Variants in MYL3 observed in about 807,000 individuals in gnomAD.
The protein encoded by MYL3 is myosin light chain 3.
MYL3 carries 11 observed loss-of-function variants against 21.3 expected under a neutral mutation model. The ratio of observed to expected loss-of-function variants is 0.52; its 90% confidence interval spans 0.32 to 0.85. The LOEUF is 0.85. Ranked by LOEUF, MYL3 falls within the 40% of genes least tolerant of loss-of-function variation. The pLI, the probability that MYL3 is intolerant of heterozygous loss-of-function variation, is 0.03. For synonymous variants in MYL3, 88 were observed against 91.6 expected (o/e 0.96, Z 0.22); for missense variants, 206 against 253.3 (o/e 0.81, Z 1.27).
chr3:46,868,375 C>T (rs1702069656), upstream of MYL3, among the ~76,000 whole-genome samples: 1 of 152,208 alleles, frequency 6.6e-6, no homozygotes, highest in African/African-American at 2.4e-5. Context: ...CACACACAGA[C>T]AACTCTGTCC....
At chr3:46,865,196 T>A (rs1702036525), upstream of MYL3, among the ~76,000 whole-genome samples, 1 of 152,004 alleles carries the variant, frequency 6.6e-6, no homozygotes, top group Admixed American at 6.5e-5. The surrounding 1 kb of genome is among the most constrained non-coding windows in gnomAD (Gnocchi z 4.3). Context: ...GCCAGCCCGC[T>A]CCTGACTGGA....
chr3:46,869,839 C>A lies in MYL3; in HGVS notation c.-217-3239G>T, dbSNP rs189062436. Among the ~76,000 whole-genome samples the A allele has an allele frequency of 2.6e-5, 4 of 152,196 alleles. No homozygotes were observed. In the East Asian group the frequency reaches 7.7e-4, roughly 29 times the overall value. The stretch of plus-strand genomic sequence containing the variant: ...GTAAATTTAGCAGGAGAAAAAAAAA[C>A]CCGTCAGTCAGACGAGGAGTCTGAA... On this transcript the variant is annotated intron_variant, in intron 1 of 3. Transcript: ENST00000431168.
At position 46,874,815 on chromosome 3, in the gene MYL3, C is replaced by T. The variant is rs778321596; in HGVS notation, c.-218+7259G>A. 2.0e-5 allele frequency among the ~76,000 whole-genome samples: 3 copies of T among 152,146 alleles called. No individual in the cohort carries two copies. Among genetic ancestry groups the T allele is most frequent in the Non-Finnish European group, 2.9e-5 (2 of 68,028 alleles). On this transcript the variant is annotated intron_variant, in intron 1 of 3. Transcript: ENST00000431168. The surrounding 1 kb of genome is among the most constrained non-coding windows in gnomAD (Gnocchi z 4.1). ...GGGAAATCACACTCTACCCAGAAGG[C>T]GTCTGGGAAACAGGACCCGCTTTGG...
At chr3:46,877,199 C>A (rs934138856) in intron 1 of MYL3, among the ~76,000 whole-genome samples, 5 of 152,040 alleles carry the variant, frequency 3.3e-5, no homozygotes, top group Admixed American at 1.3e-4. Flanking sequence ...GGAATGACGG[C>A]CCCCTCCATC....
intron 1 of MYL3, among the ~76,000 whole-genome samples, chr3:46,877,131 C>T (rs1469676399): frequency 6.6e-6 from 1 of 152,050 alleles, no homozygotes; most frequent in South Asian, 2.1e-4. Context: ...TTCCAGTGGG[C>T]AAGGAGTCAG....
chr3:46,866,585 T>C (rs1702049634), upstream of MYL3: 1 of 152,260 alleles, frequency 6.6e-6, no homozygotes, highest in Admixed American at 6.5e-5. Flanking sequence ...CTTCCACAGC[T>C]ACATTTTCCC....
rs769868122 is a variant in MYL3, at chr3:46,874,454, G to T, written c.-218+7620C>A. On this transcript the variant is annotated intron_variant, in intron 1 of 3. Coordinates refer to the MYL3 transcript ENST00000431168. The surrounding 1 kb of genome is among the most constrained non-coding windows in gnomAD (Gnocchi z 4.1). ...CAGGACTAGGGGTTCTCCACTCGAG[G>T]GCTCCCGGCCACAGCCCCCGGCAAG... Among the ~76,000 whole-genome samples, 3 of 152,080 alleles carry T rather than the reference G, an allele frequency of 2.0e-5. No homozygotes were observed. Among genetic ancestry groups the T allele is most frequent in the Admixed American group, 6.6e-5 (1 of 15,266 alleles).
chr3:46,860,655 G>C lies in MYL3; in HGVS notation c.307+21C>G. 2 of 1,611,978 alleles carry C rather than the reference G, an allele frequency of 1.2e-6. No homozygotes were observed. The highest frequency in any genetic ancestry group is 1.7e-6 in the Non-Finnish European group (2 of 1,179,998). ...TCTCCCCGGTACTAACACTATGGGG[G>C]CTCTCGGGCAGGTGCACTACCTTCC... is the stretch of plus-strand genomic sequence containing the variant. On this transcript the variant is annotated intron_variant, in intron 3 of 6. Coordinates refer to ENST00000292327, the MANE Select transcript of MYL3 (RefSeq NM_000258.3). The surrounding 1 kb of genome is among the most constrained non-coding windows in gnomAD (Gnocchi z 4.6).
upstream of MYL3, among the ~76,000 whole-genome samples, chr3:46,867,336 A>G (rs1702055974): frequency 6.6e-6 from 1 of 152,190 alleles, no homozygotes; most frequent in African/African-American, 2.4e-5. Context: ...ACAAGGGCTG[A>G]CGGATTTCCA....
rs1434322169 is a variant in MYL3, at chr3:46,879,765, C to T, written c.-218+2309G>A. Among the ~76,000 whole-genome samples the T allele has an allele frequency of 6.7e-6, 1 of 149,892 alleles. No individual in the cohort carries two copies. The highest frequency in any genetic ancestry group is 6.6e-5 in the Admixed American group (1 of 15,098). On this transcript the variant is annotated intron_variant, in intron 1 of 3. Coordinates refer to the MYL3 transcript ENST00000431168. The surrounding 1 kb of genome is among the most constrained non-coding windows in gnomAD (Gnocchi z 4.7). ...CTGTCTGGGGAAAAAAAAAATGCTGCGTGTGGTGGCTCACGCTTGTAATCT... is the reference window on the plus strand; with the variant it reads ...CTGTCTGGGGAAAAAAAAAATGCTGTGTGTGGTGGCTCACGCTTGTAATCT...
chr3:46,865,662 G>A (rs1702042022), upstream of MYL3, among the ~76,000 whole-genome samples: 1 of 152,222 alleles, frequency 6.6e-6, no homozygotes, highest in African/African-American at 2.4e-5. This position sits in a 1 kb window ranked among gnomAD's most constrained non-coding sequence, Gnocchi z 4.3. Flanking sequence ...GTAAGCCAGT[G>A]ACAAGAGCAT....
chr3:46,868,191 G>C (rs970094373), upstream of MYL3, among the ~76,000 whole-genome samples: 6 of 152,176 alleles, frequency 3.9e-5, no homozygotes, highest in Non-Finnish European at 8.8e-5. Flanking sequence ...ATGGAAAAGA[G>C]TACCCAAGGG....
chr3:46,858,511 G>C, intron 4 of MYL3, 50 bp from the exon 5 acceptor site: 1 of 1,580,454 alleles, frequency 6.3e-7, no homozygotes, highest in South Asian at 1.1e-5. Context: ...GAGGCATGAT[G>C]GGGTGGGGGC....
At chr3:46,880,738 A>C (rs1314147844) in intron 1 of MYL3, among the ~76,000 whole-genome samples, 1 of 149,136 alleles carries the variant, frequency 6.7e-6, no homozygotes, top group Non-Finnish European at 1.5e-5. Flanking sequence ...AAGAAGAAGA[A>C]GAAGGAGAAG....
At position 46,873,855 on chromosome 3, in the gene MYL3, G is replaced by T. The variant is rs534037424; in HGVS notation, c.-217-7255C>A. Among the ~76,000 whole-genome samples the T allele has an allele frequency of 2.0e-5, 3 of 152,340 alleles. No individual in the cohort carries two copies. The South Asian group carries it at 6.2e-4, about 32-fold the overall frequency. The stretch of plus-strand genomic sequence containing the variant: ...AGAGCAGAGGTCAGGGCAGGCAGGA[G>T]CTGGGTGTGTGACTTTGGGCAGAGG... On this transcript the variant is annotated intron_variant, in intron 1 of 3. Coordinates refer to the MYL3 transcript ENST00000431168.
At chr3:46,862,102 G>A (rs548319474) in intron 1 of MYL3, among the ~76,000 whole-genome samples, 2 of 152,322 alleles carry the variant, frequency 1.3e-5, no homozygotes, top group African/African-American at 4.8e-5. Flanking sequence ...GAGGGCGCAT[G>A]AGGGGTCTCA....
Position 46,863,341 on chromosome 3 carries a change from G to C in MYL3, c.50C>G (p.Pro17Arg), listed in dbSNP as rs1244476739. The C allele has an allele frequency of 1.2e-6, 2 of 1,613,788 alleles. No homozygotes were observed. The highest frequency in any genetic ancestry group is 1.7e-6 in the Non-Finnish European group (2 of 1,180,022). Residue 17 changes from proline (P) to arginine (R), a missense_variant, in exon 1 of 7, where the codon CCC (proline) becomes CGC (arginine). Coordinates refer to ENST00000292327, the MANE Select transcript of MYL3 (RefSeq NM_000258.3). Reference protein sequence around the residue: ...EPKKDDAKAAPKAAPAPAPPP... With the variant: ...EPKKDDAKAARKAAPAPAPPP... ...AGGTGCGGGAGCTGGAGCTGCCTTG[G>C]GGGCTGCCTTGGCATCATCCTTCTT...
At chr3:46,870,147 A>G (rs1403496473) in intron 1 of MYL3, among the ~76,000 whole-genome samples, 1 of 152,082 alleles carries the variant, frequency 6.6e-6, no homozygotes. Context: ...GAGCCTGCAG[A>G]CACGTACGCA....
chr3:46,865,887 G>C (rs945669648), upstream of MYL3, among the ~76,000 whole-genome samples: 6 of 152,194 alleles, frequency 3.9e-5, no homozygotes, highest in African/African-American at 1.4e-4. The surrounding 1 kb of genome is among the most constrained non-coding windows in gnomAD (Gnocchi z 4.3). Flanking sequence ...ATGAAGGCTA[G>C]GGCCAGGATG....
Sources: gnomAD v4.1 joint callset for allele counts (sites outside exome capture counted in the v4.1 genomes callset) on GRCh38, gnomAD v4.1.1 for gene constraint, Gnocchi (gnomAD v3.1) non-coding constraint, MANE v1.5 for transcripts, NCBI Gene and HGNC (gene_info 2026-07-23, HGNC 2026-07-21) for gene names.